The following OLFM3 variants were observed in gnomAD, a reference collection of about 807,000 sequenced individuals.
OLFM3 encodes the protein olfactomedin 3.
Under a neutral mutation model 48.6 loss-of-function variants are expected in OLFM3, and 20 were observed. The ratio of observed to expected loss-of-function variants is 0.41; its 90% confidence interval spans 0.29 to 0.60. The LOEUF is 0.60. Ranked by LOEUF, OLFM3 falls within the 20% of genes least tolerant of loss-of-function variation. The probability of loss-of-function intolerance (pLI) is 0.28; values close to 1 mark genes in which losing one functional copy is unlikely to be tolerated. For synonymous variants in OLFM3, 222 were observed against 198.1 expected, an observed-to-expected ratio of 1.12 and a Z score of -1.01; for missense variants, 437 against 544.3, an observed-to-expected ratio of 0.80 and a Z score of 1.96.
chr1:101,884,109 G>T (rs890700739), intron 1 of OLFM3, among the ~76,000 whole-genome samples: 1 of 151,780 alleles, frequency 6.6e-6, no homozygotes, highest in Admixed American at 6.6e-5. Flanking sequence ...CTGTTTTCCA[G>T]CCCCTTCTAT....
At chr1:101,975,396 T>C (rs76500768) in intron 1 of OLFM3, among the ~76,000 whole-genome samples, 4,104 of 152,310 alleles carry the variant, frequency 0.027, 71 homozygotes, top group Admixed American at 0.034. Context: ...GGACATTAGA[T>C]AATGAATAGT....
chr1:101,881,783 ATT>A (rs199813118), intron 1 of OLFM3, among the ~76,000 whole-genome samples: 9 of 146,320 alleles, frequency 6.2e-5, no homozygotes, highest in South Asian at 2.2e-4. Flanking sequence ...TTTTGAAGTG[ATT>A]TTTTTTTTTT....
chr1:101,941,155 C>G (rs1207309856), intron 1 of OLFM3, among the ~76,000 whole-genome samples: 1 of 152,088 alleles, frequency 6.6e-6, no homozygotes, highest in African/African-American at 2.4e-5. Context: ...GCACAGGTCC[C>G]CAAGGTTTGA....
intron 1 of OLFM3, among the ~76,000 whole-genome samples, chr1:101,974,280 C>T (rs1660888953): frequency 1.3e-5 from 2 of 152,054 alleles, no homozygotes; most frequent in African/African-American, 4.8e-5. Flanking sequence ...GAAATTAGCG[C>T]ATGAGAGGGT....
At chr1:101,812,100 C>A (rs1163543207) in intron 4 of OLFM3, among the ~76,000 whole-genome samples, 1 of 151,984 alleles carries the variant, frequency 6.6e-6, no homozygotes, top group African/African-American at 2.4e-5. Context: ...AAACCAAACA[C>A]CACATGTTCT....
At chr1:101,893,378 G>T in intron 1 of OLFM3, 1 of 385,830 alleles carries the variant, frequency 2.6e-6, no homozygotes, top group East Asian at 7.2e-5. Context: ...CCAGGGCCAT[G>T]GGGAACAGAT....
intron 1 of OLFM3, among the ~76,000 whole-genome samples, chr1:101,881,122 T>C (rs1270606822): frequency 1.3e-5 from 2 of 151,926 alleles, no homozygotes; most frequent in Non-Finnish European, 2.9e-5. Context: ...ATGACTTTGA[T>C]GACTTCATTG....
intron 1 of OLFM3, among the ~76,000 whole-genome samples, chr1:101,963,437 A>C (rs1009526629): frequency 2.0e-5 from 3 of 152,170 alleles, no homozygotes; most frequent in African/African-American, 7.2e-5. Context: ...AAAGTTCTGC[A>C]AATGGTTCTT....
intron 1 of OLFM3, among the ~76,000 whole-genome samples, chr1:101,852,215 A>G (rs1326276524): frequency 6.6e-6 from 1 of 152,034 alleles, no homozygotes; most frequent in Non-Finnish European, 1.5e-5. Context: ...CCTTTACAGC[A>G]TACCCTCTGA....
intron 1 of OLFM3, among the ~76,000 whole-genome samples, chr1:101,981,907 G>C (rs1012664057): frequency 6.6e-6 from 1 of 152,124 alleles, no homozygotes; most frequent in South Asian, 2.1e-4. Flanking sequence ...ATAAAGGAAG[G>C]AAGCAGGAAA....
intron 1 of OLFM3, among the ~76,000 whole-genome samples, chr1:101,989,417 T>A (rs543283878): frequency 1.3e-5 from 2 of 152,256 alleles, no homozygotes; most frequent in East Asian, 3.9e-4. Flanking sequence ...GATGGTCTTA[T>A]GCTATTTCTG....
intron 1 of OLFM3, among the ~76,000 whole-genome samples, chr1:101,935,920 C>A (rs896156357): frequency 6.6e-6 from 1 of 152,118 alleles, no homozygotes. Flanking sequence ...TAAAATTCAA[C>A]GTCCCTTTGT....
At chr1:101,806,854 A>G (rs1653800867) in intron 4 of OLFM3, among the ~76,000 whole-genome samples, 1 of 151,820 alleles carries the variant, frequency 6.6e-6, no homozygotes, top group South Asian at 2.1e-4. Flanking sequence ...AAAGATGAAG[A>G]GATGTAATAC....
intron 1 of OLFM3, among the ~76,000 whole-genome samples, chr1:101,989,129 A>T (rs1661329515): frequency 1.3e-5 from 2 of 152,124 alleles, no homozygotes; most frequent in Non-Finnish European, 2.9e-5. Context: ...CCTAAAATAT[A>T]GGTAAAATTT....
chr1:101,981,458 T>G (rs1035980080), intron 1 of OLFM3, among the ~76,000 whole-genome samples: 10 of 152,226 alleles, frequency 6.6e-5, no homozygotes, highest in African/African-American at 2.4e-4. Flanking sequence ...TGATGCCATA[T>G]TCTCCTCTAG....
At chr1:101,813,437 TA>T (rs1177870640) in intron 4 of OLFM3, among the ~76,000 whole-genome samples, 1 of 152,120 alleles carries the variant, frequency 6.6e-6, no homozygotes, top group African/African-American at 2.4e-5. Context: ...TTAGTGTTTA[TA>T]AAAAATGAAT....
intron 1 of OLFM3, among the ~76,000 whole-genome samples, chr1:101,887,301 G>T (rs190564675): frequency 2.0e-5 from 3 of 151,700 alleles, no homozygotes; most frequent in Admixed American, 6.6e-5. Context: ...GAAAATAATT[G>T]TATACCTATG....
At chr1:101,842,436 T>TG (rs760581174) in intron 1 of OLFM3, among the ~76,000 whole-genome samples, 19 of 151,898 alleles carry the variant, frequency 1.3e-4, no homozygotes, top group Non-Finnish European at 2.4e-4. Flanking sequence ...TGGGGTGAGA[T>TG]GGGGGGCCGC....
intron 1 of OLFM3, among the ~76,000 whole-genome samples, chr1:101,957,153 A>G (rs1299566711): frequency 2.0e-5 from 3 of 151,888 alleles, no homozygotes; most frequent in Non-Finnish European, 4.4e-5. Context: ...GCCAAATAAA[A>G]CCAATTACAT....
Sources: allele counts gnomAD v4.1 joint callset (sites outside exome capture counted in the v4.1 genomes callset), GRCh38; gene constraint gnomAD v4.1.1; transcripts MANE v1.5; gene names NCBI Gene and HGNC (gene_info 2026-07-23, HGNC 2026-07-21).